Variants in SPON1 observed in about 807,000 individuals in gnomAD.
SPON1 encodes the protein spondin 1.
Under a neutral mutation model 111.7 loss-of-function variants are expected in SPON1, and 52 were observed. That is an observed-to-expected ratio of 0.47 (90% CI 0.37 to 0.59). SPON1 has a LOEUF of 0.59. Ranked by LOEUF, SPON1 falls within the 20% of genes least tolerant of loss-of-function variation. The probability of loss-of-function intolerance (pLI) is 0.00; values close to 1 mark genes in which losing one functional copy is unlikely to be tolerated. For missense variants in SPON1, 957 were observed against 1,068.5 expected (o/e 0.90, Z 1.46); for synonymous variants, 410 against 395.8 (o/e 1.04, Z -0.43).
intron 5 of SPON1, among the ~76,000 whole-genome samples, chr11:14,110,445 A>G (rs1383640977): frequency 3.9e-5 from 6 of 152,220 alleles, no homozygotes. Flanking sequence ...GGACAAAACC[A>G]ATAAGATATA....
chr11:13,968,332 T>C (rs781977129), intron 1 of SPON1, among the ~76,000 whole-genome samples: 1 of 152,218 alleles, frequency 6.6e-6, no homozygotes, highest in Non-Finnish European at 1.5e-5. Context: ...AGGCTCCTTC[T>C]ACCTTGTTCC....
intron 2 of SPON1, among the ~76,000 whole-genome samples, chr11:13,998,779 C>T (rs1288242984): frequency 1.3e-5 from 2 of 152,284 alleles, no homozygotes; most frequent in African/African-American, 4.8e-5. Flanking sequence ...TGTTTGCAAA[C>T]GTTAATTGGT....
chr11:14,123,103 A>T (rs1341776005), intron 5 of SPON1, among the ~76,000 whole-genome samples: 1 of 151,616 alleles, frequency 6.6e-6, no homozygotes, highest in African/African-American at 2.4e-5. Context: ...GCTAGTTTTT[A>T]AAAAAATTTT....
chr11:14,128,041 A>G (rs1330142208), intron 5 of SPON1, among the ~76,000 whole-genome samples: 1 of 152,216 alleles, frequency 6.6e-6, no homozygotes, highest in African/African-American at 2.4e-5. Flanking sequence ...ACATGTGGGA[A>G]TTACAACTTG....
In SPON1 at chr11:14,259,494, G is replaced by T; in HGVS notation, c.1664-40G>T. ...CGGGCAGGCGGGCAAGTAGGTCGGG[G>T]AGGCAGCAGGTGCGACTCCAATGCC... On this transcript the variant is annotated intron_variant, in intron 12 of 15. Coordinates refer to ENST00000576479, the MANE Select transcript of SPON1 (RefSeq NM_006108.4). The surrounding 1 kb of genome is among the most constrained non-coding windows in gnomAD (Gnocchi z 5.0). 1 of 1,575,932 alleles carries T rather than the reference G, an allele frequency of 6.3e-7. No individual in the cohort carries two copies. The highest frequency in any genetic ancestry group is 2.3e-5 in the East Asian group (1 of 42,840).
chr11:14,143,423 C>T (rs1554929002), intron 6 of SPON1, among the ~76,000 whole-genome samples: 1 of 152,064 alleles, frequency 6.6e-6, no homozygotes, highest in Non-Finnish European at 1.5e-5. Context: ...ATTAGCCAGG[C>T]ATGGAGGTGC....
intron 2 of SPON1, among the ~76,000 whole-genome samples, chr11:13,991,156 C>G (rs1848226844): frequency 6.6e-6 from 1 of 152,170 alleles, no homozygotes; most frequent in African/African-American, 2.4e-5. Context: ...TGGATAATAT[C>G]CTGAAAAGTG....
intron 2 of SPON1, among the ~76,000 whole-genome samples, chr11:14,039,039 T>C (rs972445713): frequency 3.3e-5 from 5 of 152,154 alleles, no homozygotes; most frequent in African/African-American, 9.7e-5. Flanking sequence ...TATTAAGTCA[T>C]GAAAATACAG....
rs372756339 is a variant in SPON1, at chr11:13,999,035, A to G, written c.345+16082A>G. On this transcript the variant is annotated intron_variant, in intron 2 of 15. Transcript: ENST00000576479. ...ATTCCAGATCTAACTACTTTATGGGATAGCTCTTAATTCTGGTTTTGCAAA... is the reference window on the plus strand; with the variant it reads ...ATTCCAGATCTAACTACTTTATGGGGTAGCTCTTAATTCTGGTTTTGCAAA... Among the ~76,000 whole-genome samples, 3 of 152,126 alleles carry G rather than the reference A, an allele frequency of 2.0e-5. No homozygotes were observed. The East Asian group carries it at 5.8e-4, about 29-fold the overall frequency.
Position 14,192,631 on chromosome 11 carries a change from A to G in SPON1, c.826-50701A>G, listed in dbSNP as rs547245297. On this transcript the variant is annotated intron_variant, in intron 6 of 15. Coordinates refer to ENST00000576479, the MANE Select transcript of SPON1 (RefSeq NM_006108.4). ...GTCCAAATGCCCTCCCTCACGGTAC[A>G]CCCTCCTCCAAGCCACACATACCCC... is the stretch of plus-strand genomic sequence containing the variant. Among the ~76,000 whole-genome samples the G allele has an allele frequency of 4.6e-5, 7 of 151,202 alleles. No homozygotes were observed. The East Asian group carries it at 1.4e-3, about 29-fold the overall frequency.
intron 6 of SPON1, among the ~76,000 whole-genome samples, chr11:14,241,806 A>G (rs1323399910): frequency 2.6e-5 from 4 of 152,206 alleles, no homozygotes; most frequent in Non-Finnish European, 4.4e-5. Context: ...ACAAATAAAT[A>G]TATTTCTCAG....
At chr11:14,229,916 C>T (rs7106953) in intron 6 of SPON1, among the ~76,000 whole-genome samples, 1 of 150,838 alleles carries the variant, frequency 6.6e-6, no homozygotes, top group Non-Finnish European at 1.5e-5. Context: ...AGAGGCCAGC[C>T]TGTGTGTGTG....
intron 6 of SPON1, among the ~76,000 whole-genome samples, chr11:14,205,094 C>T (rs1040385012): frequency 2.6e-5 from 4 of 152,166 alleles, no homozygotes; most frequent in African/African-American, 9.7e-5. Context: ...AGTTTCCTTC[C>T]GTTCCATTTG....
chr11:13,983,068 G>T (rs1480522616), intron 2 of SPON1, 115 bp downstream of exon 2: 10 of 661,198 alleles, frequency 1.5e-5, no homozygotes, highest in Admixed American at 5.5e-5. Flanking sequence ...TTGGCCAACG[G>T]GGGCAGGTCC....
At chr11:14,219,056 C>T (rs1178900076) in intron 6 of SPON1, among the ~76,000 whole-genome samples, 3 of 152,180 alleles carry the variant, frequency 2.0e-5, no homozygotes, top group African/African-American at 7.2e-5. Flanking sequence ...TTCCTGCCTT[C>T]CATGTCTTTT....
chr11:14,218,565 A>G (rs1227715522), intron 6 of SPON1, among the ~76,000 whole-genome samples: 1 of 152,142 alleles, frequency 6.6e-6, no homozygotes, highest in African/African-American at 2.4e-5. Context: ...TCAGCCCCAA[A>G]TCAGAGGGAC....
At chr11:14,132,572 C>T (rs1324239493) in intron 5 of SPON1, among the ~76,000 whole-genome samples, 1 of 152,148 alleles carries the variant, frequency 6.6e-6, no homozygotes, top group Non-Finnish European at 1.5e-5. Flanking sequence ...CATCTGTTTC[C>T]CCTGCCCCCA....
intron 6 of SPON1, among the ~76,000 whole-genome samples, chr11:14,181,113 C>G (rs1484288681): frequency 6.6e-6 from 1 of 152,124 alleles, no homozygotes; most frequent in African/African-American, 2.4e-5. Context: ...TAGGCATGAA[C>G]TCCAGAAGGA....
chr11:14,157,952 T>G (rs1406609281), intron 6 of SPON1, among the ~76,000 whole-genome samples: 2 of 152,194 alleles, frequency 1.3e-5, no homozygotes, highest in African/African-American at 4.8e-5. Flanking sequence ...CCAAGTCTGG[T>G]AACTATAATA....
Sources: gnomAD v4.1 joint callset for allele counts (sites outside exome capture counted in the v4.1 genomes callset) on GRCh38, gnomAD v4.1.1 for gene constraint, Gnocchi (gnomAD v3.1) non-coding constraint, MANE v1.5 for transcripts, NCBI Gene and HGNC (gene_info 2026-07-23, HGNC 2026-07-21) for gene names.